Variants in DHX34 observed in about 807,000 individuals in gnomAD.
DHX34 encodes DExH-box helicase 34.
DHX34 carries 96 observed loss-of-function variants against 111.1 expected under a neutral mutation model. The ratio of observed to expected loss-of-function variants is 0.86; its 90% CI spans 0.73 to 1.02. The LOEUF is 1.02. DHX34 is among the 50% of genes least tolerant of loss of function. The pLI is 0.00. For synonymous variants in DHX34, 688 were observed against 670.4 expected (o/e 1.03, Z -0.41); for missense variants, 1,560 against 1,579.9 (o/e 0.99, Z 0.21).
In DHX34 at chr19:47,380,826, G is replaced by C. The variant is rs1970328995; in HGVS notation, c.2993G>C (p.Ser998Thr). The change falls in exon 15 of 17, where the codon AGC becomes ACC. Residue 998 changes from serine (S) to threonine (T), a missense_variant. Ser to Thr is a moderately conservative substitution (Grantham distance 58, BLOSUM62 1). Coordinates refer to ENST00000328771, the MANE Select transcript of DHX34 (RefSeq NM_014681.6). ...TCTCTCCTTCCTTAGATTCCTTACAGCCTCCGGCGGCTCACAGGGCTAGAA... is the reference window on the plus strand; with the variant it reads ...TCTCTCCTTCCTTAGATTCCTTACACCCTCCGGCGGCTCACAGGGCTAGAA... ...LQFTASKIPY[S>T]LRRLTGLEVQ... 2 of 1,613,834 alleles carry C rather than the reference G, an allele frequency of 1.2e-6. No homozygotes were observed. Among genetic ancestry groups the C allele is most frequent in the African/African-American group, 2.7e-5 (2 of 74,986 alleles).
At position 47,376,529 on chromosome 19, in the gene DHX34, G is replaced by C. The variant is rs373057199; in HGVS notation, c.2568G>C (p.Glu856Asp). The change falls in exon 12 of 17, where the codon GAG becomes GAC. Residue 856 changes from glutamate to aspartate, a missense_variant. Physicochemically the swap from Glu to Asp is conservative, Grantham distance 45. Transcript: ENST00000328771. ...GCCCCGAGGTGCTGCACGCACAGGA[G>C]CTGGAGGCCAGCAACTGCGACGGAA... ...AGSPEVLHAQELEASNCDGSR... is the reference protein window; with the variant it reads ...AGSPEVLHAQDLEASNCDGSR... 1 of 1,581,000 alleles carries C rather than the reference G, an allele frequency of 6.3e-7. No homozygotes were observed.
chr19:47,360,892 G>A (rs1368682176), intron 5 of DHX34, among the ~76,000 whole-genome samples: 5 of 151,926 alleles, frequency 3.3e-5, no homozygotes, highest in Admixed American at 2.6e-4. Flanking sequence ...GGCTGGTCTC[G>A]AACTCCTGAC....
In DHX34 at chr19:47,356,908, A is replaced by T. The variant is rs548043754; in HGVS notation, c.1018-958A>T. ...GTGGAGGCTGCAGTGAGCCGAGATC[A>T]TGCCACTGGGTGACAGAGCGAGACC... On this transcript the variant is annotated intron_variant, in intron 3 of 16. Transcript: ENST00000328771. 3.3e-5 allele frequency among the ~76,000 whole-genome samples: 5 copies of T among 152,284 alleles called. No homozygotes were observed. In the East Asian group the frequency reaches 5.8e-4, roughly 18 times the overall value.
At chr19:47,359,874 G>A in intron 4 of DHX34, 94 bp from the exon 5 acceptor site, 1 of 1,593,250 alleles carries the variant, frequency 6.3e-7, no homozygotes, top group Non-Finnish European at 8.6e-7. Flanking sequence ...AGGGTTCCAG[G>A]GAAGCTGCTG....
intron 7 of DHX34, among the ~76,000 whole-genome samples, chr19:47,368,553 G>A (rs1305111506): frequency 2.7e-5 from 4 of 150,072 alleles, no homozygotes; most frequent in Non-Finnish European, 3.0e-5. Flanking sequence ...TGATCTGCCC[G>A]CCTTGACCTC....
chr19:47,364,971 G>A (rs2122270276), intron 6 of DHX34, among the ~76,000 whole-genome samples: 1 of 152,136 alleles, frequency 6.6e-6, no homozygotes, highest in Non-Finnish European at 1.5e-5. Context: ...GCAAGGAACT[G>A]CCCTTCTCTG....
rs537940909 is a variant in DHX34, at chr19:47,353,702, G to C, written c.672G>C (p.Val224=). Residue 224 remains valine (V), a synonymous_variant, in exon 2 of 17, where the codon GTG becomes GTC. Transcript: ENST00000328771. The surrounding 1 kb of genome is among the most constrained non-coding windows in gnomAD (Gnocchi z 4.6). ...CCTGCATCTCACTGGCCAAGCGTGT[G>C]GGCTTTGAGAGCCTCAGTCAGTATG... ...RIACISLAKR[V]GFESLSQYGS... 1.2e-6 allele frequency: 2 copies of C among 1,606,200 alleles called. No homozygotes were observed. Among genetic ancestry groups the C allele is most frequent in the East Asian group, 2.2e-5 (1 of 44,690 alleles).
Position 47,376,007 on chromosome 19 carries a change from G to A in DHX34, c.2391G>A (p.Leu797=). 1 of 1,605,432 alleles carries A rather than the reference G, an allele frequency of 6.2e-7. No homozygotes were observed. The highest frequency in any genetic ancestry group is 8.5e-7 in the Non-Finnish European group (1 of 1,177,500). ...CCCAGGACCTGAGCCGCGAGCAGCT[G>A]GCTCTGCTGAAGCTGGTGCTGGGCC... The part of the protein sequence containing the change: ...SSAQDLSREQ[L]ALLKLVLGRG... The change falls in exon 11 of 17, where the codon CTG becomes CTA. Residue 797 remains leucine (L), a synonymous_variant. Transcript: ENST00000328771.
chr19:47,359,707 G>A (rs113362808), intron 4 of DHX34: 8 of 303,700 alleles, frequency 2.6e-5, no homozygotes, highest in African/African-American at 1.1e-4. Context: ...GCTTGAACCC[G>A]GGAGGCAGAG....
rs1465610388 is a variant in DHX34, at chr19:47,375,886, A to G, written c.2308-38A>G. 11 of 1,556,516 alleles carry G rather than the reference A, an allele frequency of 7.1e-6. 1 individual carries two copies. Among genetic ancestry groups the G allele is most frequent in the Non-Finnish European group, 9.5e-6 (11 of 1,156,394 alleles). On this transcript the variant is annotated intron_variant, in intron 10 of 16. Coordinates refer to ENST00000328771, the MANE Select transcript of DHX34 (RefSeq NM_014681.6). ...CTGCGGATCATGGTAGGAGCCCCTCAGGTCCCCTAAGACTCTGCCTCCCCG... is the reference window on the plus strand; with the variant it reads ...CTGCGGATCATGGTAGGAGCCCCTCGGGTCCCCTAAGACTCTGCCTCCCCG...
intron 7 of DHX34, among the ~76,000 whole-genome samples, chr19:47,368,663 TAC>T (rs755160063): frequency 2.8e-5 from 4 of 143,538 alleles, no homozygotes; most frequent in Non-Finnish European, 4.6e-5. Context: ...CACACACACA[TAC>T]ACACACATAT....
At chr19:47,376,297 C>A in intron 11 of DHX34, 146 bp from the exon 12 acceptor site, 1 of 1,498,924 alleles carries the variant, frequency 6.7e-7, no homozygotes, top group Non-Finnish European at 8.9e-7. Flanking sequence ...ACTATAGGAG[C>A]CCACAGGGGG....
Position 47,353,147 on chromosome 19 carries a change from G to A in DHX34, c.117G>A (p.Leu39=). Residue 39 remains leucine, a synonymous_variant, in exon 2 of 17, where the codon TTG becomes TTA. Coordinates refer to ENST00000328771, the MANE Select transcript of DHX34 (RefSeq NM_014681.6). This position sits in a 1 kb window ranked among gnomAD's most constrained non-coding sequence, Gnocchi z 4.6. ...ATTGTCCAGAGACGCGTCGCCTCTTGGAAGATGCCTTCTTCCGTGAAGAGG... is the reference window on the plus strand; with the variant it reads ...ATTGTCCAGAGACGCGTCGCCTCTTAGAAGATGCCTTCTTCCGTGAAGAGG... ...DWNCPETRRL[L]EDAFFREEDY... 6.2e-7 allele frequency: 1 copy of A among 1,614,152 alleles called. No homozygotes were observed.
In DHX34 at chr19:47,379,831, C is replaced by G. The variant is rs757176384; in HGVS notation, c.2828C>G (p.Ser943Cys). The change falls in exon 14 of 17, where the codon TCC (serine) becomes TGC (cysteine). Residue 943 changes from serine to cysteine, a missense_variant. Coordinates refer to ENST00000328771, the MANE Select transcript of DHX34 (RefSeq NM_014681.6). ...SESAIRLLAA[S>C]LRLRARWESA... ...AGTGCCATCCGACTCCTGGCGGCTT[C>G]CCTGCGGCTCCGTGCCCGCTGGGAA... 7 of 1,613,680 alleles carry G rather than the reference C, an allele frequency of 4.3e-6. No individual in the cohort carries two copies. The South Asian group carries it at 7.7e-5, about 18-fold the overall frequency.
At position 47,379,914 on chromosome 19, in the gene DHX34, G is replaced by A; in HGVS notation, c.2911G>A (p.Glu971Lys). ...CCAGCAGCAGCTGGAGGAGGAGGAG[G>A]AGGATACGCCAGTCAGCCCCAAGGA... ...QAQQQLEEEEEDTPVSPKEVA... is the reference protein window; with the variant it reads ...QAQQQLEEEEKDTPVSPKEVA... The change falls in exon 14 of 17, where the codon GAG becomes AAG. Residue 971 changes from glutamate (E) to lysine (K), a missense_variant. By Grantham distance (56) the Glu-to-Lys change is moderately conservative. Transcript: ENST00000328771. 1 of 1,611,054 alleles carries A rather than the reference G, an allele frequency of 6.2e-7. No individual in the cohort carries two copies. The highest frequency in any genetic ancestry group is 2.2e-5 in the East Asian group (1 of 44,682).
Position 47,379,867 on chromosome 19 carries a change from A to T in DHX34, c.2864A>T (p.Asp955Val), listed in dbSNP as rs1353863410. The change falls in exon 14 of 17, where the codon GAC becomes GTC. Residue 955 changes from aspartate (D) to valine (V), a missense_variant. Physicochemically the swap from Asp to Val is radical, Grantham distance 152 (BLOSUM62 -3). Transcript: ENST00000328771. ...RLRARWESAL[D>V]RQLAHQAQQQ... ...CGTGCCCGCTGGGAAAGTGCCCTGGACCGGCAGCTGGCGCACCAGGCCCAG... is the reference window on the plus strand; with the variant it reads ...CGTGCCCGCTGGGAAAGTGCCCTGGTCCGGCAGCTGGCGCACCAGGCCCAG... The T allele has an allele frequency of 6.2e-7, 1 of 1,613,536 alleles. No individual in the cohort carries two copies. The highest frequency in any genetic ancestry group is 8.5e-7 in the Non-Finnish European group (1 of 1,179,808).
chr19:47,381,518 C>T, intron 16 of DHX34, 194 bp downstream of exon 16: 1 of 755,514 alleles, frequency 1.3e-6, no homozygotes, highest in Non-Finnish European at 2.1e-6. Flanking sequence ...TGGAGCGCCA[C>T]CTCTTTCTGT....
intron 13 of DHX34, among the ~76,000 whole-genome samples, chr19:47,378,088 GCC>G (rs1454117185): frequency 1.3e-5 from 2 of 152,118 alleles, no homozygotes; most frequent in South Asian, 4.1e-4. Flanking sequence ...GGGTCACACT[GCC>G]CCCTCCTGCC....
At chr19:47,350,351 C>T (rs892539053) in intron 1 of DHX34, among the ~76,000 whole-genome samples, 3 of 152,066 alleles carry the variant, frequency 2.0e-5, no homozygotes, top group Admixed American at 6.6e-5. Context: ...CTGCTGTACG[C>T]CGTGATTGTG....
Sources: allele counts gnomAD v4.1 joint callset (sites outside exome capture counted in the v4.1 genomes callset), GRCh38; gene constraint gnomAD v4.1.1; non-coding constraint Gnocchi (gnomAD v3.1); transcripts MANE v1.5; gene names NCBI Gene and HGNC (gene_info 2026-07-23, HGNC 2026-07-21).